The following IMMT variants were observed in gnomAD, a reference collection of about 807,000 sequenced individuals.
The protein encoded by IMMT is MICOS complex subunit MIC60.
A neutral mutation model predicts 92.7 loss-of-function variants in IMMT; 40 were observed. The ratio of observed to expected loss-of-function variants is 0.43; its 90% CI spans 0.34 to 0.56. The LOEUF is 0.56. IMMT is among the 20% of genes least tolerant of loss of function. The pLI, the probability that IMMT is intolerant of heterozygous loss-of-function variation, is 0.03. For synonymous variants in IMMT, 322 were observed against 336.1 expected, an observed-to-expected ratio of 0.96 and a Z score of 0.46; for missense variants, 831 against 912.1, an observed-to-expected ratio of 0.91 and a Z score of 1.14.
chr2:86,182,443 G>A (rs973243155), intron 1 of IMMT, among the ~76,000 whole-genome samples: 7 of 152,238 alleles, frequency 4.6e-5, no homozygotes, highest in Middle Eastern at 3.4e-3. Context: ...AAGCCTAGAG[G>A]TAAACAGCTA....
At position 86,146,158 on chromosome 2, in the gene IMMT, G is replaced by C; in HGVS notation, c.1573C>G (p.Arg525Gly). 1 of 1,609,928 alleles carries C rather than the reference G, an allele frequency of 6.2e-7. No individual in the cohort carries two copies. Among genetic ancestry groups the C allele is most frequent in the Non-Finnish European group, 8.5e-7 (1 of 1,177,148 alleles). The change falls in exon 14 of 15, where the codon CGT becomes GGT. Residue 525 changes from arginine to glycine, a missense_variant. By Grantham distance (125) the Arg-to-Gly change is moderately radical (BLOSUM62 -2). Transcript: ENST00000410111. ...EKLSEQELQF[R>G]RLSQEQVDNF... ...TCAACTTGCTCTTGACTGAGACGAC[G>C]AAATTGTAATTCTTGTTCAGAGAGT... is the stretch of plus-strand genomic sequence containing the variant.
intron 6 of IMMT, among the ~76,000 whole-genome samples, chr2:86,167,684 G>A (rs1208937086): frequency 1.4e-5 from 2 of 147,834 alleles, no homozygotes; most frequent in Admixed American, 6.8e-5. Flanking sequence ...GGGTTTCACC[G>A]TGTTAGCCAG....
At chr2:86,167,490 T>G (rs1052558753) in intron 6 of IMMT, among the ~76,000 whole-genome samples, 2 of 125,522 alleles carry the variant, frequency 1.6e-5, no homozygotes, top group African/African-American at 6.5e-5. Context: ...TTTTGTTTTT[T>G]TTTTTTTTTT....
At chr2:86,184,059 T>G (rs892955247) in intron 1 of IMMT, among the ~76,000 whole-genome samples, 2 of 152,324 alleles carry the variant, frequency 1.3e-5, no homozygotes, top group East Asian at 3.9e-4. Flanking sequence ...TCTAGTAATA[T>G]GAAAGTATGT....
At chr2:86,193,588 GAGA>G (rs1296021214) in intron 1 of IMMT, among the ~76,000 whole-genome samples, 2 of 152,022 alleles carry the variant, frequency 1.3e-5, no homozygotes, top group Non-Finnish European at 2.9e-5. Context: ...AGGAAGAGAT[GAGA>G]AGGTGTATAT....
At position 86,195,450 on chromosome 2, in the gene IMMT, T is replaced by G. The variant is rs948405898; in HGVS notation, c.-68A>C. On this transcript the variant is annotated 5_prime_UTR_variant, in exon 1 of 15. Coordinates refer to ENST00000410111, the MANE Select transcript of IMMT (RefSeq NM_006839.3). ...CGGCGGCGCGAGTTAAGTGGAGGCG[T>G]GCTTGCGTGTGTGCGTGCCCGCGTC... 9 of 1,499,774 alleles carry G rather than the reference T, an allele frequency of 6.0e-6. No homozygotes were observed. In the East Asian group the frequency reaches 2.3e-4, roughly 38 times the overall value. The allele number at this position is 1,499,774 out of a possible 1,614,324, so 92.9% of individuals were successfully genotyped here.
At chr2:86,145,145 T>A (rs191260555) in intron 14 of IMMT, among the ~76,000 whole-genome samples, 9 of 152,226 alleles carry the variant, frequency 5.9e-5, no homozygotes, top group Admixed American at 5.9e-4. Context: ...AAACATATTA[T>A]TTAAATTAGG....
chr2:86,158,650 G>A lies in IMMT; in HGVS notation c.1104C>T (p.Asp368=). Residue 368 remains aspartate (D), a synonymous_variant, in exon 10 of 15, where the codon GAC becomes GAT. Transcript: ENST00000410111. ...TAATACTGTCCAGCTCTCGTTTAAA[G>A]TCATCCCGAGCTTGGACCACCAGCT... ...YHELVVQARD[D]FKRELDSITP... The A allele has an allele frequency of 6.2e-7, 1 of 1,605,318 alleles. No homozygotes were observed. Among genetic ancestry groups the A allele is most frequent in the Non-Finnish European group, 8.5e-7 (1 of 1,175,556 alleles).
In IMMT at chr2:86,181,288, A is replaced by G. The variant is rs558989373; in HGVS notation, c.119+11T>C. On this transcript the variant is annotated intron_variant, in intron 2 of 14. Coordinates refer to ENST00000410111, the MANE Select transcript of IMMT (RefSeq NM_006839.3). ...GTGAAAAGCCTGGTTATAGGGAGACATAATACATACCCAGAGCTGCCTGAA... is the reference window on the plus strand; with the variant it reads ...GTGAAAAGCCTGGTTATAGGGAGACGTAATACATACCCAGAGCTGCCTGAA... 6.7e-5 allele frequency: 107 copies of G among 1,606,302 alleles called. 1 individual carries two copies. In the South Asian group the frequency reaches 1.1e-3, roughly 16 times the overall value.
rs561258731 is a variant in IMMT, at chr2:86,155,816, G to A, written c.1163-2242C>T. 4.6e-5 allele frequency among the ~76,000 whole-genome samples: 7 copies of A among 152,242 alleles called. No individual in the cohort carries two copies. The South Asian group carries it at 1.5e-3, about 32-fold the overall frequency. On this transcript the variant is annotated intron_variant, in intron 10 of 14. Transcript: ENST00000410111. ...TGATTTCAGAGGTGAGGACATCCAC[G>A]GAGGGCTAGGGTAATCATGGAATAA...
At chr2:86,157,001 A>G (rs972689333) in intron 10 of IMMT, among the ~76,000 whole-genome samples, 5 of 152,206 alleles carry the variant, frequency 3.3e-5, no homozygotes, top group Admixed American at 1.3e-4. Context: ...ATCTGTTTCA[A>G]TTGTAACCTC....
chr2:86,161,770 T>C (rs557989044), intron 8 of IMMT, among the ~76,000 whole-genome samples: 144 of 152,222 alleles, frequency 9.5e-4, no homozygotes, highest in Non-Finnish European at 1.3e-3. Flanking sequence ...CGCCTCGGCC[T>C]CCCAAAGTGC....
chr2:86,187,820 G>A (rs1466576487), intron 1 of IMMT, among the ~76,000 whole-genome samples: 1 of 151,566 alleles, frequency 6.6e-6, no homozygotes. Flanking sequence ...GCTGAAGCAG[G>A]AGAATCCCTT....
Position 86,171,287 on chromosome 2 carries a change from GGCTGGGACCGACAGGGTATCACCT to G in IMMT, c.456_479del (p.Gly153_Ala160del). 33 of 1,610,178 alleles carry G rather than the reference GGCTGGGACCGACAGGGTATCACCT, an allele frequency of 2.0e-5. No individual in the cohort carries two copies. Among genetic ancestry groups the G allele is most frequent in the African/African-American group, 5.3e-5 (4 of 74,858 alleles). On this transcript the variant is annotated inframe_deletion, in exon 5 of 15. Coordinates refer to ENST00000410111, the MANE Select transcript of IMMT (RefSeq NM_006839.3). ...AAGATTCCTCAGGCTGAACTGCAGG[GGCTGGGACCGACAGGGTATCACCT>G]GCTGCAGAAATAATTTGAGCCGCTT...
intron 3 of IMMT, among the ~76,000 whole-genome samples, chr2:86,175,331 C>T (rs1345892073): frequency 1.3e-5 from 2 of 151,956 alleles, no homozygotes; most frequent in South Asian, 2.1e-4. Flanking sequence ...TATATAGACA[C>T]ATCATAAAAA....
intron 1 of IMMT, among the ~76,000 whole-genome samples, chr2:86,182,350 GTATC>G (rs1024118418): frequency 1.3e-5 from 2 of 152,142 alleles, no homozygotes; most frequent in Admixed American, 6.5e-5. Flanking sequence ...CCTTTTAAAA[GTATC>G]TATAGTTTTA....
intron 8 of IMMT, 192 bp from the exon 9 acceptor site, chr2:86,159,863 G>C (rs1021500294): frequency 1.6e-5 from 6 of 385,118 alleles, no homozygotes; most frequent in Non-Finnish European, 2.7e-5. Flanking sequence ...AGACCAGCCT[G>C]GACAACATAG....
chr2:86,170,009 G>A (rs1383468638), intron 6 of IMMT, among the ~76,000 whole-genome samples: 1 of 152,232 alleles, frequency 6.6e-6, no homozygotes, highest in Non-Finnish European at 1.5e-5. Context: ...AGCACTACTA[G>A]AGAGTCCAGA....
intron 7 of IMMT, among the ~76,000 whole-genome samples, chr2:86,164,052 A>ATTTTTTTTTTTTTTTTTTTTTTTT (rs540613367): frequency 3.2e-5 from 2 of 63,030 alleles, no homozygotes; most frequent in African/African-American, 5.6e-5. Flanking sequence ...CACTTTAGTC[A>ATTTTTTTTTTTTTTTTTTTTTTTT]TTTTTTTTTT....
Sources: gnomAD v4.1 joint callset for allele counts (sites outside exome capture counted in the v4.1 genomes callset) on GRCh38, gnomAD v4.1.1 for gene constraint, MANE v1.5 for transcripts, NCBI Gene and HGNC (gene_info 2026-07-23, HGNC 2026-07-21) for gene names.